SMIM10L3: variants seen among roughly 807,000 people sequenced by gnomAD.
The protein encoded by SMIM10L3 is small integral membrane protein 10 like 3.
At chr7:6,331,673 C>A in the SMIM10L3 span, among the ~76,000 whole-genome samples, 1 of 152,038 alleles carries the variant, frequency 6.6e-6, no homozygotes, top group Non-Finnish European at 1.5e-5. Flanking sequence ...AGCCACCACG[C>A]CCGGCCTAGT....
chr7:6,331,840 G>A, the SMIM10L3 span, among the ~76,000 whole-genome samples: 5 of 148,730 alleles, frequency 3.4e-5, no homozygotes, highest in East Asian at 4.1e-4. Flanking sequence ...TCTCAGGTTC[G>A]AGCGATTCTC....
At chr7:6,346,184 G>C in the SMIM10L3 span, among the ~76,000 whole-genome samples, 2 of 152,038 alleles carry the variant, frequency 1.3e-5, no homozygotes, top group African/African-American at 4.8e-5. Flanking sequence ...GTGGTAACTG[G>C]GGAGGGCTCA....
chr7:6,333,899 T>C, the SMIM10L3 span, among the ~76,000 whole-genome samples: 2 of 138,582 alleles, frequency 1.4e-5, no homozygotes, highest in African/African-American at 2.7e-5. Context: ...CAGGCTGGAG[T>C]GCAGTGGCGC....
chr7:6,334,093 A>G, the SMIM10L3 span, among the ~76,000 whole-genome samples: 204 of 150,644 alleles, frequency 1.4e-3, 1 homozygote, highest in South Asian at 0.014. Context: ...TGATCCGCCC[A>G]CCTTGGCCTC....
the SMIM10L3 span, among the ~76,000 whole-genome samples, chr7:6,344,628 A>C: frequency 1.3e-5 from 2 of 152,112 alleles, no homozygotes; most frequent in Admixed American, 6.6e-5. Flanking sequence ...CCTGTTGCCC[A>C]GGCTGGTCTC....
At chr7:6,331,467 TAAG>T in the SMIM10L3 span, among the ~76,000 whole-genome samples, 2 of 149,030 alleles carry the variant, frequency 1.3e-5, no homozygotes, top group Non-Finnish European at 3.0e-5. Flanking sequence ...CCAGCCGTAT[TAAG>T]GTTTTTGTTT....
the SMIM10L3 span, among the ~76,000 whole-genome samples, chr7:6,342,545 A>C: frequency 3.3e-5 from 5 of 152,128 alleles, no homozygotes; most frequent in African/African-American, 1.2e-4. Context: ...TCTCAAAAAA[A>C]AAAGTGATCT....
the SMIM10L3 span, among the ~76,000 whole-genome samples, chr7:6,331,738 CTTTTTT>C: frequency 4.4e-3 from 517 of 117,736 alleles, 3 homozygotes; most frequent in African/African-American, 0.016. Flanking sequence ...ATAATAGAGG[CTTTTTT>C]TTTTTTTTTT....
chr7:6,329,464 C>T, the SMIM10L3 span: 7 of 152,590 alleles, frequency 4.6e-5, no homozygotes, highest in Middle Eastern at 3.4e-3. Context: ...TTCATTTTCC[C>T]CAAACACTAA....
At chr7:6,340,489 G>A in the SMIM10L3 span, among the ~76,000 whole-genome samples, 4 of 152,116 alleles carry the variant, frequency 2.6e-5, no homozygotes, top group Non-Finnish European at 5.9e-5. Context: ...AAGCACGGAG[G>A]CCGTGCTGCA....
At chr7:6,337,863 G>A in the SMIM10L3 span, among the ~76,000 whole-genome samples, 4,182 of 151,422 alleles carry the variant, frequency 0.028, 306 homozygotes, top group African/African-American at 0.097. Flanking sequence ...GAGTGCAGTG[G>A]TGCAATCTTG....
chr7:6,330,911 C>G, the SMIM10L3 span: 1 of 1,614,216 alleles, frequency 6.2e-7, no homozygotes, highest in Non-Finnish European at 8.5e-7. Flanking sequence ...TATGGAAGCA[C>G]TGGGCCGCCA....
At chr7:6,340,755 C>T in the SMIM10L3 span, among the ~76,000 whole-genome samples, 606 of 151,356 alleles carry the variant, frequency 4.0e-3, 3 homozygotes, top group African/African-American at 0.014. Flanking sequence ...AAAAATTAGC[C>T]GGGCGTGGTG....
chr7:6,348,555 C>T, the SMIM10L3 span: 3 of 432,470 alleles, frequency 6.9e-6, no homozygotes, highest in Non-Finnish European at 1.2e-5. Flanking sequence ...GGGGGCCGGG[C>T]AGGCACGGCT....
chr7:6,340,132 G>A, the SMIM10L3 span, among the ~76,000 whole-genome samples: 2 of 151,378 alleles, frequency 1.3e-5, no homozygotes, highest in Non-Finnish European at 3.0e-5. Flanking sequence ...TGATCCGCCC[G>A]CCTCGGCCTC....
At chr7:6,329,920 T>C in the SMIM10L3 span, 1 of 170,316 alleles carries the variant, frequency 5.9e-6, no homozygotes, top group African/African-American at 2.4e-5. Context: ...TTCTACAAAA[T>C]GTAGACATGG....
At chr7:6,340,807 G>T in the SMIM10L3 span, among the ~76,000 whole-genome samples, 2,910 of 150,252 alleles carry the variant, frequency 0.019, 45 homozygotes, top group East Asian at 0.051. Flanking sequence ...GCTGAGGCAG[G>T]AGAATGGCGT....
the SMIM10L3 span, among the ~76,000 whole-genome samples, chr7:6,348,144 A>C: frequency 6.6e-6 from 1 of 150,486 alleles, no homozygotes; most frequent in African/African-American, 2.4e-5. Flanking sequence ...TCCTGACCTC[A>C]GGTAATCCGC....
the SMIM10L3 span, among the ~76,000 whole-genome samples, chr7:6,347,866 CAACAT>C: frequency 6.8e-6 from 1 of 146,524 alleles, no homozygotes; most frequent in Non-Finnish European, 1.5e-5. Context: ...CCAGCCTGGG[CAACAT>C]AACGAGACCC....
Sources: gnomAD v4.1 joint callset for allele counts (sites outside exome capture counted in the v4.1 genomes callset) on GRCh38, gnomAD v4.1.1 for gene constraint, MANE v1.5 for transcripts, NCBI Gene and HGNC (gene_info 2026-07-23, HGNC 2026-07-21) for gene names.